Variants in SOX6 observed in about 807,000 individuals in gnomAD.
SOX6 encodes the protein SRY-box transcription factor 6.
Under a neutral mutation model 97.8 loss-of-function variants are expected in SOX6, and 11 were observed. The ratio of observed to expected loss-of-function variants is 0.11; its 90% CI spans 0.07 to 0.19. The LOEUF (loss-of-function observed/expected upper bound fraction) is 0.19. SOX6 is among the 10% of genes least tolerant of loss of function. SOX6 has a pLI of 1.00. For missense variants in SOX6, 810 were observed against 1,039.5 expected, an observed-to-expected ratio of 0.78 and a Z score of 3.04; for synonymous variants, 360 against 371.4, an observed-to-expected ratio of 0.97 and a Z score of 0.35.
intron 3 of SOX6, among the ~76,000 whole-genome samples, chr11:16,253,514 G>A (rs1853582652): frequency 6.6e-6 from 1 of 152,060 alleles, no homozygotes; most frequent in Non-Finnish European, 1.5e-5. Context: ...CATAATGTGA[G>A]CAGAGAGACA....
intron 9 of SOX6, among the ~76,000 whole-genome samples, chr11:16,079,962 T>A (rs1035815743): frequency 1.8e-4 from 27 of 148,520 alleles, no homozygotes; most frequent in African/African-American, 6.6e-4. Flanking sequence ...TGCTTTATTG[T>A]CATTAGATAT....
chr11:16,384,876 G>A (rs1857932863), intron 1 of SOX6, among the ~76,000 whole-genome samples: 2 of 152,032 alleles, frequency 1.3e-5, no homozygotes, highest in South Asian at 4.1e-4. Flanking sequence ...TTGTCCCACT[G>A]AAGACCATGT....
intron 4 of SOX6, among the ~76,000 whole-genome samples, chr11:16,601,234 G>C (rs1848265360): frequency 6.6e-6 from 1 of 151,976 alleles, no homozygotes; most frequent in African/African-American, 2.4e-5. Context: ...TTTTTTAATG[G>C]TAATATGGCC....
At chr11:16,097,716 T>A (rs1321569946) in intron 7 of SOX6, 28 bp from the exon 8 acceptor site, 2 of 1,585,396 alleles carry the variant, frequency 1.3e-6, no homozygotes, top group Non-Finnish European at 1.7e-6. Context: ...GCATACAGGT[T>A]TAGACAATGC....
chr11:16,518,150 A>C (rs72873400), intron 4 of SOX6, among the ~76,000 whole-genome samples: 16,028 of 152,222 alleles, frequency 0.11, 914 homozygotes, highest in Non-Finnish European at 0.14. Flanking sequence ...AAAGGCTTTC[A>C]TAAATGTGGC....
chr11:16,144,885 G>T (rs1227369314), intron 6 of SOX6, among the ~76,000 whole-genome samples: 2 of 152,100 alleles, frequency 1.3e-5, no homozygotes, highest in African/African-American at 4.8e-5. Flanking sequence ...AAAAGTCCAG[G>T]ACCAGACGGA....
chr11:16,392,227 G>C (rs1183102881), intron 1 of SOX6, among the ~76,000 whole-genome samples: 1 of 152,072 alleles, frequency 6.6e-6, no homozygotes, highest in African/African-American at 2.4e-5. Flanking sequence ...ATTGAAAATA[G>C]TAGTTACACT....
intron 4 of SOX6, among the ~76,000 whole-genome samples, chr11:16,221,155 T>C (rs941886297): frequency 2.0e-5 from 3 of 152,214 alleles, no homozygotes; most frequent in African/African-American, 7.2e-5. Flanking sequence ...TTTATAGTAA[T>C]GCTAAGACAT....
chr11:16,399,442 C>A (rs1858484777), intron 1 of SOX6, among the ~76,000 whole-genome samples: 2 of 151,164 alleles, frequency 1.3e-5, no homozygotes, highest in Non-Finnish European at 3.0e-5. Flanking sequence ...TCATTTGCAA[C>A]CTTGAACGCC....
intron 3 of SOX6, among the ~76,000 whole-genome samples, chr11:16,675,771 C>T (rs914968373): frequency 1.3e-5 from 2 of 152,326 alleles, no homozygotes; most frequent in African/African-American, 4.8e-5. Flanking sequence ...CATCCCATTG[C>T]TCTCTGGCTT....
intron 4 of SOX6, among the ~76,000 whole-genome samples, chr11:16,562,612 C>T (rs987573160): frequency 1.3e-5 from 2 of 152,046 alleles, no homozygotes; most frequent in South Asian, 2.1e-4. Flanking sequence ...ACCCAATACC[C>T]ACCCCCGGAA....
chr11:16,287,881 A>C (rs1854799044), intron 3 of SOX6, among the ~76,000 whole-genome samples: 1 of 152,160 alleles, frequency 6.6e-6, no homozygotes, highest in African/African-American at 2.4e-5. Context: ...CATTGACTCC[A>C]AAATAGTGAG....
chr11:16,598,556 T>A (rs1848235792), intron 4 of SOX6, among the ~76,000 whole-genome samples: 1 of 151,928 alleles, frequency 6.6e-6, no homozygotes, highest in African/African-American at 2.4e-5. Context: ...TCAGGGTGTC[T>A]AGAACTTAGT....
chr11:16,120,173 T>A, intron 6 of SOX6, among the ~76,000 whole-genome samples: 1 of 128,156 alleles, frequency 7.8e-6, no homozygotes, highest in South Asian at 3.0e-4. Flanking sequence ...CCTCCTGCTC[T>A]CTCTCTTCTC....
intron 6 of SOX6, among the ~76,000 whole-genome samples, chr11:16,167,868 T>C (rs570241013): frequency 6.2e-4 from 94 of 152,324 alleles, no homozygotes; most frequent in Admixed American, 1.1e-3. Flanking sequence ...TAGTGTGCAG[T>C]AATTTTACTT....
At chr11:16,654,006 AAT>A (rs1847690326) in intron 3 of SOX6, among the ~76,000 whole-genome samples, 1 of 152,092 alleles carries the variant, frequency 6.6e-6, no homozygotes, top group African/African-American at 2.4e-5. Flanking sequence ...ATATTTTATT[AAT>A]GTTTGTTCTA....
intron 4 of SOX6, chr11:16,484,203 T>A (rs1347835217): frequency 1.2e-5 from 10 of 809,380 alleles, no homozygotes; most frequent in Non-Finnish European, 2.2e-5. Flanking sequence ...GAGATGCCAA[T>A]AGCTTTCACC....
intron 1 of SOX6, among the ~76,000 whole-genome samples, chr11:16,383,237 A>G (rs1857881592): frequency 6.6e-6 from 1 of 151,978 alleles, no homozygotes; most frequent in Non-Finnish European, 1.5e-5. Flanking sequence ...ATGTCACTAC[A>G]TTGCTCCATA....
rs534042842 is a variant in SOX6 at position 16,051,213 on chromosome 11, A to C, written c.1252-1275T>G. 2.0e-5 allele frequency among the ~76,000 whole-genome samples: 3 copies of C among 152,294 alleles called. No individual in the cohort carries two copies. The South Asian group carries it at 6.2e-4, about 32-fold the overall frequency. On this transcript the variant is annotated intron_variant, in intron 10 of 15. Transcript: ENST00000683767. Reference sequence around the variant, plus strand: ...GCAATTATATACCAAGCACATACTAAGCATTTTCATATACTAGTTCATTTA... The same window carrying C: ...GCAATTATATACCAAGCACATACTACGCATTTTCATATACTAGTTCATTTA...
Sources: allele counts gnomAD v4.1 joint callset (sites outside exome capture counted in the v4.1 genomes callset), GRCh38; gene constraint gnomAD v4.1.1; transcripts MANE v1.5; gene names NCBI Gene and HGNC (gene_info 2026-07-23, HGNC 2026-07-21).